Variants in DTNA observed in about 807,000 individuals in gnomAD.
DTNA encodes dystrophin-related protein 3.
In DTNA, 43 loss-of-function variants were observed where a neutral mutation model predicts 100.7. The observed-to-expected ratio is 0.43, with a 90% CI of 0.33 to 0.55. The LOEUF is 0.55. Among genes scored for constraint, DTNA ranks in the 20% least tolerant of loss-of-function variants. The pLI, the probability that DTNA is intolerant of heterozygous loss-of-function variation, is 0.04. For missense variants in DTNA, 798 were observed against 953.9 expected, an observed-to-expected ratio of 0.84 and a Z score of 2.15; for synonymous variants, 349 against 347.9, an observed-to-expected ratio of 1.00 and a Z score of -0.04.
At chr18:34,738,001 A>G (rs1239621252) in intron 1 of DTNA, 1 of 152,208 alleles carries the variant, frequency 6.6e-6, no homozygotes, top group Admixed American at 6.6e-5. Flanking sequence ...AGAAATTCGG[A>G]AAAGCTGCCC....
intron 4 of DTNA, among the ~76,000 whole-genome samples, chr18:34,797,220 A>AG (rs2149093370): frequency 1.3e-5 from 2 of 152,248 alleles, no homozygotes; most frequent in South Asian, 4.1e-4. Context: ...TATTCCTGGG[A>AG]GGGGGTCACC....
At chr18:34,844,095 T>C (rs1339067794) in intron 13 of DTNA, among the ~76,000 whole-genome samples, 1 of 152,094 alleles carries the variant, frequency 6.6e-6, no homozygotes, top group Non-Finnish European at 1.5e-5. Flanking sequence ...CTAAAGACTG[T>C]CACATCAGGA....
chr18:34,756,174 C>A, intron 2 of DTNA, 131 bp downstream of exon 2: 1 of 1,101,408 alleles, frequency 9.1e-7, no homozygotes, highest in South Asian at 1.4e-5. Context: ...ATGAAGTGTA[C>A]ATTTTGGCCT....
chr18:34,855,559 T>C (rs1357125343), intron 15 of DTNA, among the ~76,000 whole-genome samples: 1 of 152,208 alleles, frequency 6.6e-6, no homozygotes. Flanking sequence ...CAACTCAGAT[T>C]TTACTAGCAA....
chr18:34,818,362 G>T, intron 8 of DTNA, 32 bp downstream of exon 8: 1 of 1,609,786 alleles, frequency 6.2e-7, no homozygotes. Flanking sequence ...ACTTGGAGTT[G>T]GATGTGTGAG....
intron 2 of DTNA, among the ~76,000 whole-genome samples, chr18:34,762,692 A>C (rs942137761): frequency 1.3e-5 from 2 of 152,204 alleles, no homozygotes; most frequent in African/African-American, 4.8e-5. Context: ...TAACACATAC[A>C]TTGATTGTGC....
chr18:34,559,695 C>T (rs2046458592), intron 1 of DTNA, among the ~76,000 whole-genome samples: 1 of 152,208 alleles, frequency 6.6e-6, no homozygotes, highest in Non-Finnish European at 1.5e-5. Context: ...TGCATCCTCT[C>T]TTTCCCTTAC....
rs141484369 is a variant in DTNA, at chr18:34,724,062, T to C, written c.-2+13617T>C. On this transcript the variant is annotated intron_variant, in intron 1 of 22. Transcript: ENST00000444659. ...TTTTATTGCTTTATTTTAATAGTAG[T>C]AATATGTAATGTTAGTGAAGTTGAA... Among the ~76,000 whole-genome samples the C allele has an allele frequency of 4.2e-3, 639 of 152,360 alleles. 2 individuals carry two copies. Among genetic ancestry groups the C allele is most frequent in the African/African-American group, 0.013 (555 of 41,584 alleles).
chr18:34,761,814 A>G (rs545510520), intron 2 of DTNA, among the ~76,000 whole-genome samples: 1 of 152,366 alleles, frequency 6.6e-6, no homozygotes, highest in African/African-American at 2.4e-5. Flanking sequence ...CCACTGTATT[A>G]GTATGAAGCA....
chr18:34,554,283 A>G (rs1445670488), intron 1 of DTNA, among the ~76,000 whole-genome samples: 3 of 138,996 alleles, frequency 2.2e-5, no homozygotes, highest in East Asian at 2.0e-4. Flanking sequence ...GGCTGAGACA[A>G]TGGGGTTTTC....
chr18:34,808,326 G>A (rs943722474), intron 5 of DTNA, among the ~76,000 whole-genome samples: 2 of 152,166 alleles, frequency 1.3e-5, no homozygotes, highest in African/African-American at 2.4e-5. Flanking sequence ...AGGGAGGGGG[G>A]CTTGGTGGAG....
chr18:34,693,087 C>T (rs567133261), intron 1 of DTNA, among the ~76,000 whole-genome samples: 15 of 152,182 alleles, frequency 9.9e-5, no homozygotes, highest in African/African-American at 3.6e-4. Flanking sequence ...TTGCAAAAAT[C>T]AGCATCCGTA....
intron 1 of DTNA, among the ~76,000 whole-genome samples, chr18:34,566,434 T>A (rs909048912): frequency 6.6e-6 from 1 of 152,168 alleles, no homozygotes; most frequent in African/African-American, 2.4e-5. Flanking sequence ...ACATCTAGAA[T>A]TTTTTTACCT....
At chr18:34,643,935 A>G (rs768415742) in intron 1 of DTNA, among the ~76,000 whole-genome samples, 4 of 152,190 alleles carry the variant, frequency 2.6e-5, no homozygotes, top group Non-Finnish European at 5.9e-5. Context: ...CTACCCGGCT[A>G]GAACAAAACT....
intron 16 of DTNA, among the ~76,000 whole-genome samples, chr18:34,862,305 A>G (rs960827520): frequency 6.6e-6 from 1 of 151,896 alleles, no homozygotes; most frequent in Non-Finnish European, 1.5e-5. Flanking sequence ...TGGATTCAGA[A>G]AAGAAGCAAT....
chr18:34,529,623 C>T (rs1477774807), intron 1 of DTNA, among the ~76,000 whole-genome samples: 1 of 152,030 alleles, frequency 6.6e-6, no homozygotes, highest in Non-Finnish European at 1.5e-5. Flanking sequence ...GACGTTTTCC[C>T]CATGGAGAGT....
intron 1 of DTNA, among the ~76,000 whole-genome samples, chr18:34,616,007 A>G (rs1242398983): frequency 2.0e-5 from 3 of 152,114 alleles, no homozygotes; most frequent in Non-Finnish European, 4.4e-5. Context: ...ACCTAGGTTG[A>G]TTTCATGTCT....
chr18:34,863,572 G>C (rs186817699), intron 16 of DTNA, among the ~76,000 whole-genome samples: 3 of 152,242 alleles, frequency 2.0e-5, no homozygotes, highest in Non-Finnish European at 4.4e-5. Flanking sequence ...TTTGCAAAAG[G>C]GTTCTTAGAT....
At chr18:34,507,985 A>G (rs1423587118) in intron 1 of DTNA, among the ~76,000 whole-genome samples, 1 of 152,146 alleles carries the variant, frequency 6.6e-6, no homozygotes, top group South Asian at 2.1e-4. Flanking sequence ...TTTTCAAGTA[A>G]ATATAGTAAG....
Sources: gnomAD v4.1 joint callset for allele counts (sites outside exome capture counted in the v4.1 genomes callset) on GRCh38, gnomAD v4.1.1 for gene constraint, MANE v1.5 for transcripts, NCBI Gene and HGNC (gene_info 2026-07-23, HGNC 2026-07-21) for gene names.